Variants in SMYD3 observed in about 807,000 individuals in gnomAD.
SMYD3 encodes SET and MYND domain containing 3, also known as histone-lysine N-methyltransferase SMYD3.
A neutral mutation model predicts 57.7 loss-of-function variants in SMYD3; 36 were observed. The observed-to-expected ratio is 0.62, with a 90% confidence interval of 0.48 to 0.82. The LOEUF is 0.82. Among genes scored for constraint, SMYD3 ranks in the 40% least tolerant of loss-of-function variants. The pLI, the probability that SMYD3 is intolerant of heterozygous loss-of-function variation, is 0.00. For missense variants in SMYD3, 515 were observed against 538.8 expected (o/e 0.96, Z 0.44); for synonymous variants, 211 against 195.0 (o/e 1.08, Z -0.68).
chr1:245,962,924 G>A (rs939690204), intron 5 of SMYD3, among the ~76,000 whole-genome samples: 7 of 152,172 alleles, frequency 4.6e-5, no homozygotes, highest in African/African-American at 7.2e-5. Flanking sequence ...GGTAAGACAC[G>A]AAGCCTTTCT....
intron 5 of SMYD3, among the ~76,000 whole-genome samples, chr1:245,987,574 C>T (rs977326250): frequency 6.6e-6 from 1 of 152,210 alleles, no homozygotes; most frequent in African/African-American, 2.4e-5. Flanking sequence ...AAGAACTTCA[C>T]GTTTTCTTAA....
chr1:245,891,096 G>A (rs184257506), intron 8 of SMYD3, among the ~76,000 whole-genome samples: 8 of 152,292 alleles, frequency 5.3e-5, no homozygotes, highest in African/African-American at 1.2e-4. Flanking sequence ...GGGAGGGAAC[G>A]GGGGATGGTT....
chr1:246,398,088 T>C (rs2066704727), intron 1 of SMYD3, among the ~76,000 whole-genome samples: 1 of 152,144 alleles, frequency 6.6e-6, no homozygotes, highest in Non-Finnish European at 1.5e-5. Context: ...GGCTCTACAA[T>C]AGAGACGTCA....
intron 5 of SMYD3, among the ~76,000 whole-genome samples, chr1:246,006,599 A>C (rs1323415600): frequency 6.6e-6 from 1 of 152,208 alleles, no homozygotes; most frequent in Non-Finnish European, 1.5e-5. Context: ...CTAAAAAATA[A>C]ATGGAAATCA....
chr1:246,281,476 CTG>C (rs2064440853), intron 5 of SMYD3, among the ~76,000 whole-genome samples: 1 of 152,164 alleles, frequency 6.6e-6, no homozygotes, highest in Non-Finnish European at 1.5e-5. Flanking sequence ...GAGTAAAGCT[CTG>C]TGAGAATACT....
chr1:246,074,546 T>C (rs750251253), intron 5 of SMYD3, among the ~76,000 whole-genome samples: 5 of 151,970 alleles, frequency 3.3e-5, no homozygotes, highest in Non-Finnish European at 7.4e-5. Flanking sequence ...AGACAGAAAC[T>C]GGAAGGGAGT....
At position 245,846,168 on chromosome 1, in the gene SMYD3, C is replaced by G. The variant is rs543532540; in HGVS notation, c.1076+12328G>C. ...ACAAGACTGTGAGGAAGAATGAGGACAGCATCCAGGAAGGGAAGGAAGGAG... is the reference window on the plus strand; with the variant it reads ...ACAAGACTGTGAGGAAGAATGAGGAGAGCATCCAGGAAGGGAAGGAAGGAG... On this transcript the variant is annotated intron_variant, in intron 10 of 11. Coordinates refer to ENST00000490107, the MANE Select transcript of SMYD3 (RefSeq NM_001167740.2). Among the ~76,000 whole-genome samples the G allele has an allele frequency of 6.6e-5, 10 of 152,288 alleles. No individual in the cohort carries two copies. In the East Asian group the frequency reaches 1.9e-3, roughly 29 times the overall value.
chr1:246,269,859 C>T (rs1457717534), intron 5 of SMYD3, among the ~76,000 whole-genome samples: 2 of 152,136 alleles, frequency 1.3e-5, no homozygotes, highest in Admixed American at 6.5e-5. Flanking sequence ...GGGCGTGTAC[C>T]ACCACACCCA....
chr1:246,242,591 A>T lies in SMYD3; in HGVS notation c.531+84610T>A, dbSNP rs531392239. Among the ~76,000 whole-genome samples the T allele has an allele frequency of 1.9e-3, 296 of 152,300 alleles. 2 individuals are homozygous for T. Among genetic ancestry groups the T allele is most frequent in the Non-Finnish European group, 3.6e-3 (246 of 68,010 alleles). ...CATAATGACAGGATCAAATTCACAC[A>T]TAACAATATTAACCTTAAATGTAAA... On this transcript the variant is annotated intron_variant, in intron 5 of 11. Transcript: ENST00000490107.
intron 1 of SMYD3, among the ~76,000 whole-genome samples, chr1:246,398,071 A>G (rs1363009092): frequency 6.6e-6 from 1 of 152,208 alleles, no homozygotes; most frequent in African/African-American, 2.4e-5. Flanking sequence ...TCAAAAGACC[A>G]ATCTTAGGCT....
intron 10 of SMYD3, among the ~76,000 whole-genome samples, chr1:245,793,206 G>A (rs2047371610): frequency 6.6e-6 from 1 of 151,738 alleles, no homozygotes; most frequent in East Asian, 1.9e-4. Context: ...CTACTCGGGA[G>A]GCTGAGGCAG....
At chr1:246,240,686 T>C (rs1172918583) in intron 5 of SMYD3, among the ~76,000 whole-genome samples, 1 of 152,252 alleles carries the variant, frequency 6.6e-6, no homozygotes, top group Non-Finnish European at 1.5e-5. Context: ...TTGGGCTGTA[T>C]GGCCATTTTC....
intron 1 of SMYD3, among the ~76,000 whole-genome samples, chr1:246,360,381 A>G (rs967892343): frequency 6.6e-6 from 1 of 152,222 alleles, no homozygotes; most frequent in Non-Finnish European, 1.5e-5. Flanking sequence ...CATATTGCCA[A>G]AAGCAATCTA....
intron 6 of SMYD3, among the ~76,000 whole-genome samples, chr1:245,929,557 G>A (rs1413003169): frequency 6.6e-6 from 1 of 152,128 alleles, no homozygotes; most frequent in African/African-American, 2.4e-5. Flanking sequence ...AGGAAACTGG[G>A]GAATAACCAA....
intron 1 of SMYD3, among the ~76,000 whole-genome samples, chr1:246,494,157 T>C (rs569235153): frequency 6.6e-5 from 10 of 152,352 alleles, no homozygotes; most frequent in African/African-American, 2.4e-4. Context: ...TCAAGAGTTG[T>C]ACCTAGAAAA....
chr1:245,780,273 C>G (rs1270328958), intron 10 of SMYD3, among the ~76,000 whole-genome samples: 2 of 152,124 alleles, frequency 1.3e-5, no homozygotes, highest in African/African-American at 4.8e-5. Context: ...TGGAAACAAT[C>G]CAAATGCCTA....
At chr1:245,834,334 G>A (rs1404398894) in intron 10 of SMYD3, among the ~76,000 whole-genome samples, 1 of 152,174 alleles carries the variant, frequency 6.6e-6, no homozygotes, top group East Asian at 1.9e-4. Flanking sequence ...TATGGAAGTG[G>A]CTGACCTTTG....
intron 5 of SMYD3, among the ~76,000 whole-genome samples, chr1:245,956,506 A>G (rs1430291413): frequency 6.6e-6 from 1 of 152,222 alleles, no homozygotes; most frequent in African/African-American, 2.4e-5. Flanking sequence ...AGGCAGGCAG[A>G]GCATTATTTT....
Position 246,470,267 on chromosome 1 carries a change from G to T in SMYD3, c.164+36787C>A, listed in dbSNP as rs141038447. Reference sequence around the variant, plus strand: ...AGCACTTTGGGAGGTCGAGGCGGGAGGATCACCTGAGGTCAGGAGTTCGAG... The same window carrying T: ...AGCACTTTGGGAGGTCGAGGCGGGATGATCACCTGAGGTCAGGAGTTCGAG... On this transcript the variant is annotated intron_variant, in intron 1 of 11. Coordinates refer to ENST00000490107, the MANE Select transcript of SMYD3 (RefSeq NM_001167740.2). Among the ~76,000 whole-genome samples, 1,358 of 152,080 alleles carry T rather than the reference G, an allele frequency of 8.9e-3. 30 individuals carry two copies. Among genetic ancestry groups the T allele is most frequent in the African/African-American group, 0.031 (1,274 of 41,480 alleles).
Sources: gnomAD v4.1 joint callset for allele counts (sites outside exome capture counted in the v4.1 genomes callset) on GRCh38, gnomAD v4.1.1 for gene constraint, MANE v1.5 for transcripts, NCBI Gene and HGNC (gene_info 2026-07-23, HGNC 2026-07-21) for gene names.